The following CERT1 variants were observed in gnomAD, a reference collection of about 807,000 sequenced individuals.
CERT1 encodes the protein ceramide transfer protein.
A neutral mutation model predicts 87.9 loss-of-function variants in CERT1; 31 were observed. The observed-to-expected ratio is 0.35, with a 90% CI of 0.27 to 0.48. CERT1 has a LOEUF of 0.48. Ranked by LOEUF, CERT1 falls within the 20% of genes least tolerant of loss-of-function variation. CERT1 has a pLI of 0.99. For missense variants in CERT1, 487 were observed against 758.0 expected, an observed-to-expected ratio of 0.64 and a Z score of 4.20; for synonymous variants, 289 against 250.9, an observed-to-expected ratio of 1.15 and a Z score of -1.44.
chr5:75,384,536 G>A, intron 14 of CERT1, 106 bp downstream of exon 14: 1 of 689,584 alleles, frequency 1.5e-6, no homozygotes, highest in Non-Finnish European at 2.5e-6. Flanking sequence ...AAAGTCTTTG[G>A]ATTTTTGTGG....
chr5:75,447,193 C>A (rs1360439531), intron 3 of CERT1, among the ~76,000 whole-genome samples: 1 of 152,166 alleles, frequency 6.6e-6, no homozygotes, highest in African/African-American at 2.4e-5. Flanking sequence ...CCACTCAAGC[C>A]TTCCCTGGAA....
chr5:75,444,294 TC>T (rs773013827), intron 3 of CERT1, among the ~76,000 whole-genome samples: 1 of 152,082 alleles, frequency 6.6e-6, no homozygotes, highest in Non-Finnish European at 1.5e-5. Context: ...GACCTTGTGA[TC>T]CACCCACCTC....
chr5:75,425,204 C>A (rs957623124), intron 5 of CERT1, 157 bp downstream of exon 5: 2 of 615,026 alleles, frequency 3.3e-6, no homozygotes, highest in Non-Finnish European at 5.6e-6. Context: ...AACTGAAGTA[C>A]CCAAGTTACA....
chr5:75,471,112 C>T (rs941082543), intron 2 of CERT1, among the ~76,000 whole-genome samples: 1 of 151,980 alleles, frequency 6.6e-6, no homozygotes, highest in Non-Finnish European at 1.5e-5. Flanking sequence ...GAATGAGATC[C>T]CATGTTCATG....
chr5:75,399,640 C>A (rs547503526), intron 10 of CERT1, among the ~76,000 whole-genome samples: 3 of 152,116 alleles, frequency 2.0e-5, no homozygotes, highest in Admixed American at 2.0e-4. Flanking sequence ...TTTAGTATAA[C>A]TGGATATACT....
chr5:75,498,319 A>T (rs1767172722), intron 2 of CERT1, among the ~76,000 whole-genome samples: 1 of 152,212 alleles, frequency 6.6e-6, no homozygotes, highest in African/African-American at 2.4e-5. Context: ...CAAGGAGCTA[A>T]ATGTTATCAC....
At chr5:75,481,357 T>C (rs1766234160) in intron 2 of CERT1, among the ~76,000 whole-genome samples, 1 of 152,216 alleles carries the variant, frequency 6.6e-6, no homozygotes, top group South Asian at 2.1e-4. Flanking sequence ...AATAAGGATA[T>C]ATCCTACAAA....
At chr5:75,428,473 T>C (rs1226404997) in intron 3 of CERT1, among the ~76,000 whole-genome samples, 1 of 152,154 alleles carries the variant, frequency 6.6e-6, no homozygotes, top group Non-Finnish European at 1.5e-5. Flanking sequence ...GGTCAAAAGA[T>C]TGAGACCATC....
chr5:75,429,757 G>A (rs766861500), intron 3 of CERT1, among the ~76,000 whole-genome samples: 1 of 151,138 alleles, frequency 6.6e-6, no homozygotes, highest in Non-Finnish European at 1.5e-5. Flanking sequence ...AGAGCCCATG[G>A]TCACCATAAA....
intron 2 of CERT1, among the ~76,000 whole-genome samples, chr5:75,496,797 C>A (rs1767089313): frequency 6.6e-6 from 1 of 152,084 alleles, no homozygotes; most frequent in South Asian, 2.1e-4. Flanking sequence ...CAGAGGGTAA[C>A]TGACTACAAT....
chr5:75,380,342 C>A (rs150694323), intron 16 of CERT1, among the ~76,000 whole-genome samples: 1 of 152,254 alleles, frequency 6.6e-6, no homozygotes, highest in East Asian at 1.9e-4. Flanking sequence ...AAATATGTAA[C>A]TAGCAACTAA....
chr5:75,497,092 AT>A (rs1379506042), intron 2 of CERT1, among the ~76,000 whole-genome samples: 3 of 152,148 alleles, frequency 2.0e-5, no homozygotes, highest in Non-Finnish European at 2.9e-5. Flanking sequence ...AGAGTTAACT[AT>A]TTTTTTAGGT....
intron 2 of CERT1, among the ~76,000 whole-genome samples, chr5:75,471,754 C>CAAAAAAA (rs796209502): frequency 1.7e-3 from 84 of 50,506 alleles, no homozygotes; most frequent in African/African-American, 3.7e-3. Context: ...GACTTCATCT[C>CAAAAAAA]AAAAAAAAAA....
intron 9 of CERT1, chr5:75,400,817 T>TG (rs1310021829): frequency 6.6e-6 from 1 of 152,280 alleles, no homozygotes; most frequent in Non-Finnish European, 1.5e-5. Context: ...ATCTTACTCC[T>TG]GTTAAGCTGC....
At chr5:75,424,701 T>C (rs1283185739) in intron 5 of CERT1, among the ~76,000 whole-genome samples, 1 of 152,128 alleles carries the variant, frequency 6.6e-6, no homozygotes, top group Non-Finnish European at 1.5e-5. Flanking sequence ...GGATTTAACA[T>C]ATACTTATCT....
At chr5:75,403,219 TA>T (rs1208106040) in intron 8 of CERT1, among the ~76,000 whole-genome samples, 161 bp from the exon 9 acceptor site, 1 of 152,126 alleles carries the variant, frequency 6.6e-6, no homozygotes, top group Non-Finnish European at 1.5e-5. Flanking sequence ...ATGCTCTGTG[TA>T]AAATCACGAG....
At chr5:75,431,512 T>C (rs542669716) in intron 3 of CERT1, among the ~76,000 whole-genome samples, 4 of 152,216 alleles carry the variant, frequency 2.6e-5, no homozygotes, top group Admixed American at 6.5e-5. Context: ...TGGCAGGAAC[T>C]GTTGGCATCA....
At chr5:75,389,213 G>A (rs1037932710) in intron 12 of CERT1, among the ~76,000 whole-genome samples, 6 of 152,018 alleles carry the variant, frequency 3.9e-5, no homozygotes, top group Non-Finnish European at 2.9e-5. Flanking sequence ...CAAAAAGGGA[G>A]AGAAACAAAG....
rs2112222480 is a variant in CERT1 at position 75,434,882 on chromosome 5, C to T, written c.349-8404G>A. Among the ~76,000 whole-genome samples, 2 of 151,806 alleles carry T rather than the reference C, an allele frequency of 1.3e-5. 1 individual carries two copies. Among genetic ancestry groups the T allele is most frequent in the African/African-American group, 4.8e-5 (2 of 41,448 alleles). ...GTGTTTATTTGGATCTTCTTTTTTT[C>T]ATTAGTAGTCTAGCTAGAAGTCTAT... is the stretch of plus-strand genomic sequence containing the variant. On this transcript the variant is annotated intron_variant, in intron 3 of 16. Transcript: ENST00000643780.
Sources: gnomAD v4.1 joint callset for allele counts (sites outside exome capture counted in the v4.1 genomes callset) on GRCh38, gnomAD v4.1.1 for gene constraint, MANE v1.5 for transcripts, NCBI Gene and HGNC (gene_info 2026-07-23, HGNC 2026-07-21) for gene names.